The following RNF212B variants were observed in gnomAD, a reference collection of about 807,000 sequenced individuals.
RNF212B encodes the protein E3 ubiquitin-protein ligase RNF212B.
RNF212B carries 52 observed loss-of-function variants against 55.5 expected under a neutral mutation model. That is an observed-to-expected ratio of 0.94 (90% CI 0.75 to 1.18). RNF212B has a LOEUF of 1.18. Ranked by LOEUF, RNF212B falls within the 50% of genes most tolerant of loss-of-function variation. RNF212B has a pLI of 0.00. For synonymous variants in RNF212B, 99 were observed against 121.4 expected, an observed-to-expected ratio of 0.82 and a Z score of 1.21; for missense variants, 289 against 350.4, an observed-to-expected ratio of 0.82 and a Z score of 1.40.
chr14:23,195,665 T>A (rs1393720762), intron 2 of RNF212B, among the ~76,000 whole-genome samples: 1 of 152,176 alleles, frequency 6.6e-6, no homozygotes, highest in Non-Finnish European at 1.5e-5. Context: ...CGACAGCACA[T>A]CCACCCTCCT....
At chr14:23,247,490 A>C (rs1884074413) in intron 4 of RNF212B, among the ~76,000 whole-genome samples, 1 of 151,584 alleles carries the variant, frequency 6.6e-6, no homozygotes, top group Non-Finnish European at 1.5e-5. Flanking sequence ...GGCATTTCAT[A>C]AATATGGAAT....
chr14:23,251,814 C>CCAAAAAAAAAA (rs1884425819), intron 4 of RNF212B, among the ~76,000 whole-genome samples: 1 of 136,406 alleles, frequency 7.3e-6, no homozygotes. Flanking sequence ...GACTCTGTCT[C>CCAAAAAAAAAA]AAAAAAAAAA....
At chr14:23,208,999 C>T (rs529181313) in intron 2 of RNF212B, among the ~76,000 whole-genome samples, 3 of 152,144 alleles carry the variant, frequency 2.0e-5, no homozygotes, top group South Asian at 4.1e-4. Flanking sequence ...ACCTCGTGAT[C>T]CGCCCGCCTT....
At chr14:23,247,986 G>A (rs1322979563) in intron 4 of RNF212B, among the ~76,000 whole-genome samples, 2 of 152,064 alleles carry the variant, frequency 1.3e-5, no homozygotes, top group African/African-American at 2.4e-5. Context: ...TGGAGGCTGG[G>A]AAGTTCAACA....
intron 4 of RNF212B, among the ~76,000 whole-genome samples, chr14:23,257,884 G>A (rs531840927): frequency 3.3e-5 from 5 of 152,276 alleles, no homozygotes; most frequent in African/African-American, 9.6e-5. Context: ...CCAAGGCTGT[G>A]TAATAGCTAT....
At chr14:23,262,536 T>C (rs17128209) in intron 7 of RNF212B, 129 bp from the exon 8 acceptor site, 94,579 of 779,314 alleles carry the variant, frequency 0.12, 7,824 homozygotes, top group African/African-American at 0.36. Flanking sequence ...CTATAATACA[T>C]GAGAGTAAGC....
intron 2 of RNF212B, among the ~76,000 whole-genome samples, chr14:23,217,454 G>A (rs1359060116): frequency 1.3e-5 from 2 of 152,164 alleles, no homozygotes; most frequent in Non-Finnish European, 2.9e-5. Context: ...GAAGGGCCTT[G>A]GCCAAGAAAT....
chr14:23,254,304 A>C (rs1884632772), intron 4 of RNF212B, among the ~76,000 whole-genome samples: 1 of 149,658 alleles, frequency 6.7e-6, no homozygotes, highest in African/African-American at 2.4e-5. Context: ...AAACAAAACA[A>C]AACAAAACAA....
At chr14:23,204,984 A>G (rs1003760403) in intron 2 of RNF212B, among the ~76,000 whole-genome samples, 1 of 152,150 alleles carries the variant, frequency 6.6e-6, no homozygotes, top group Admixed American at 6.5e-5. Context: ...ATCTTAGTTT[A>G]AAAAAAGTTT....
chr14:23,236,190 T>C (rs1446650828), upstream of RNF212B, among the ~76,000 whole-genome samples: 2 of 152,180 alleles, frequency 1.3e-5, no homozygotes, highest in African/African-American at 4.8e-5. Context: ...ATTTTTCTTG[T>C]TTTGGAAAAC....
chr14:23,250,234 C>T (rs1189905495), intron 4 of RNF212B, among the ~76,000 whole-genome samples: 1 of 152,130 alleles, frequency 6.6e-6, no homozygotes, highest in South Asian at 2.1e-4. Context: ...AATCCCAGCA[C>T]TTTTGGAGGC....
upstream of RNF212B, among the ~76,000 whole-genome samples, chr14:23,233,475 C>G (rs1362119143): frequency 6.8e-6 from 1 of 146,296 alleles, no homozygotes; most frequent in African/African-American, 2.5e-5. Context: ...CCTATAATCC[C>G]AGTACTTTAG....
At chr14:23,224,186 T>C (rs1246865193) in intron 2 of RNF212B, among the ~76,000 whole-genome samples, 1 of 151,978 alleles carries the variant, frequency 6.6e-6, no homozygotes, top group Non-Finnish European at 1.5e-5. Context: ...ACAGATTCAA[T>C]GCAATTCTTA....
In RNF212B at chr14:23,270,669, C is replaced by G. The variant is rs1439908285; in HGVS notation, c.834+8C>G. The G allele has an allele frequency of 1.9e-6, 3 of 1,540,652 alleles. No homozygotes were observed. The highest frequency in any genetic ancestry group is 2.6e-6 in the Non-Finnish European group (3 of 1,137,762). ...CAGCTACCAGTCCTGCAGGTGAGACCTGGCTAGTCTAACTTGTCTGTGCAT... is the reference window on the plus strand; with the variant it reads ...CAGCTACCAGTCCTGCAGGTGAGACGTGGCTAGTCTAACTTGTCTGTGCAT... On this transcript the variant is annotated splice_region_variant and intron_variant, in intron 14 of 14. Coordinates refer to ENST00000430154, the MANE Select transcript of RNF212B (RefSeq NM_001282322.3).
chr14:23,222,959 C>T (rs990051180), intron 2 of RNF212B, among the ~76,000 whole-genome samples: 1 of 148,078 alleles, frequency 6.8e-6, no homozygotes. Flanking sequence ...GAAGTTGAGG[C>T]AGGAGAATCG....
chr14:23,239,429 T>A (rs1594919252), intron 1 of RNF212B, among the ~76,000 whole-genome samples: 1 of 152,096 alleles, frequency 6.6e-6, no homozygotes, highest in Non-Finnish European at 1.5e-5. Context: ...GCTGAGACCA[T>A]ACCATCATTC....
chr14:23,242,215 A>AC (rs200415578), intron 2 of RNF212B, among the ~76,000 whole-genome samples: 1 of 50,248 alleles, frequency 2.0e-5, no homozygotes, highest in Non-Finnish European at 3.9e-5. Context: ...GACCTTTTAA[A>AC]GTTCGCTAAT....
At chr14:23,217,815 G>A (rs991031940) in intron 2 of RNF212B, among the ~76,000 whole-genome samples, 5 of 151,992 alleles carry the variant, frequency 3.3e-5, no homozygotes, top group African/African-American at 1.2e-4. Context: ...GAACTCACCA[G>A]TTCTCAGACA....
chr14:23,226,451 G>GAACCCCATCTCTACTAAAAATAGT (rs1882026455), intron 2 of RNF212B, among the ~76,000 whole-genome samples: 1 of 151,562 alleles, frequency 6.6e-6, no homozygotes, highest in African/African-American at 2.4e-5. Context: ...TAACACGGTG[G>GAACCCCATCTCTACTAAAAATAGT]AACCCCATCT....
Sources: allele counts gnomAD v4.1 joint callset (sites outside exome capture counted in the v4.1 genomes callset), GRCh38; gene constraint gnomAD v4.1.1; transcripts MANE v1.5; gene names NCBI Gene and HGNC (gene_info 2026-07-23, HGNC 2026-07-21).